MARCHF4: variants seen among roughly 807,000 people sequenced by gnomAD.
MARCHF4 encodes E3 ubiquitin-protein ligase MARCHF4.
A neutral mutation model predicts 43.9 loss-of-function variants in MARCHF4; 14 were observed. The ratio of observed to expected loss-of-function variants is 0.32; its 90% CI spans 0.21 to 0.50. MARCHF4 has a LOEUF of 0.50. Among genes scored for constraint, MARCHF4 ranks in the 20% least tolerant of loss-of-function variants. MARCHF4 has a pLI of 0.98. For missense variants in MARCHF4, 468 were observed against 536.7 expected (o/e 0.87, Z 1.27); for synonymous variants, 226 against 213.3 (o/e 1.06, Z -0.52).
intron 1 of MARCHF4, among the ~76,000 whole-genome samples, chr2:216,305,883 G>T (rs898799092): frequency 2.0e-5 from 3 of 152,188 alleles, no homozygotes; most frequent in Non-Finnish European, 4.4e-5. Context: ...GAGGCATAAG[G>T]ACGGCACACA....
intron 1 of MARCHF4, among the ~76,000 whole-genome samples, chr2:216,321,048 T>C (rs1413904975): frequency 6.6e-6 from 1 of 151,902 alleles, no homozygotes; most frequent in African/African-American, 2.4e-5. Context: ...ATAATGATGT[T>C]GGAATGCCAG....
chr2:216,338,493 C>A (rs1283640658), intron 1 of MARCHF4, among the ~76,000 whole-genome samples: 1 of 152,170 alleles, frequency 6.6e-6, no homozygotes, highest in African/African-American at 2.4e-5. Context: ...ACCTTGACAG[C>A]CCTTCCTCAG....
At chr2:216,301,762 T>C (rs540702608) in intron 1 of MARCHF4, among the ~76,000 whole-genome samples, 27 of 152,246 alleles carry the variant, frequency 1.8e-4, no homozygotes, top group Non-Finnish European at 3.8e-4. Context: ...ATGATGCATG[T>C]GGTTTTTGGA....
rs116467622 is a variant in MARCHF4, at chr2:216,266,758, C to T, written c.866-7079G>A. On this transcript the variant is annotated intron_variant, in intron 3 of 3. Coordinates refer to ENST00000273067, the MANE Select transcript of MARCHF4 (RefSeq NM_020814.3). ...CTGGACCAAAGCACATATCAGGGAA[C>T]GGTTGAAAGAAATGAATATAACCGG... 4.1e-3 allele frequency among the ~76,000 whole-genome samples: 629 copies of T among 152,236 alleles called. 1 individual carries two copies. The highest frequency in any genetic ancestry group is 7.4e-3 in the Non-Finnish European group (505 of 68,018).
Position 216,371,906 on chromosome 2 carries a change from C to A in MARCHF4, c.-1646G>T, listed in dbSNP as rs1252764383. 2.0e-5 allele frequency: 3 copies of A among 151,806 alleles called. No individual in the cohort carries two copies. Among genetic ancestry groups the A allele is most frequent in the Non-Finnish European group, 4.4e-5 (3 of 67,912 alleles). 9.4% of individuals were successfully genotyped at this position (151,806 alleles called of 1,614,324 possible). The stretch of plus-strand genomic sequence containing the variant: ...CCACCCCGCCCCTTCCTCCTCTCCA[C>A]CGCCTCTGGCTGGCTAGGCTCGCTG... On this transcript the variant is annotated 5_prime_UTR_variant, in exon 1 of 4. Coordinates refer to ENST00000273067, the MANE Select transcript of MARCHF4 (RefSeq NM_020814.3).
intron 3 of MARCHF4, among the ~76,000 whole-genome samples, chr2:216,276,286 C>T (rs114097562): frequency 8.9e-4 from 136 of 152,292 alleles, no homozygotes; most frequent in African/African-American, 3.1e-3. Context: ...CTTTTGGCAT[C>T]AATAATCCAG....
chr2:216,281,848 A>G (rs1315030548), intron 2 of MARCHF4, among the ~76,000 whole-genome samples: 2 of 152,188 alleles, frequency 1.3e-5, no homozygotes, highest in Non-Finnish European at 2.9e-5. Context: ...TTATAGATCC[A>G]TATTGCTAAC....
chr2:216,287,946 A>G (rs1203681741), intron 1 of MARCHF4, among the ~76,000 whole-genome samples: 1 of 151,802 alleles, frequency 6.6e-6, no homozygotes, highest in African/African-American at 2.4e-5. Flanking sequence ...TTACCTCCTC[A>G]AGGGTAATTG....
At chr2:216,320,631 C>CTTTG (rs1559098550) in intron 1 of MARCHF4, among the ~76,000 whole-genome samples, 1 of 98,540 alleles carries the variant, frequency 1.0e-5, no homozygotes, top group African/African-American at 4.3e-5. Context: ...TTCTTTCTTT[C>CTTTG]TTTCTTTCTT....
intron 1 of MARCHF4, among the ~76,000 whole-genome samples, chr2:216,348,032 C>CTTTT (rs773695717): frequency 1.6e-4 from 16 of 99,644 alleles, no homozygotes; most frequent in South Asian, 7.2e-4. Flanking sequence ...TTAAGGCATT[C>CTTTT]TTTTTTTTTT....
At chr2:216,348,782 C>T (rs1056947107) in intron 1 of MARCHF4, among the ~76,000 whole-genome samples, 2 of 152,068 alleles carry the variant, frequency 1.3e-5, no homozygotes, top group African/African-American at 4.8e-5. Flanking sequence ...TGGATCAGGA[C>T]CCTTTGCCTG....
At chr2:216,320,966 C>G (rs1388206191) in intron 1 of MARCHF4, among the ~76,000 whole-genome samples, 1 of 151,284 alleles carries the variant, frequency 6.6e-6, no homozygotes, top group East Asian at 1.9e-4. Context: ...AGCAGAGCCA[C>G]CGCACCCAGA....
rs141829911 is a variant in MARCHF4, at chr2:216,351,038, T to C, written c.516+18707A>G. 3.9e-5 allele frequency among the ~76,000 whole-genome samples: 6 copies of C among 152,208 alleles called. No individual in the cohort carries two copies. The East Asian group carries it at 7.7e-4, about 20-fold the overall frequency. On this transcript the variant is annotated intron_variant, in intron 1 of 3. Coordinates refer to ENST00000273067, the MANE Select transcript of MARCHF4 (RefSeq NM_020814.3). ...ACCCTCCAAGTCTGCCTCTAATCCA[T>C]AGGAGGGGAAAGGGATAATAATCTC...
intron 1 of MARCHF4, among the ~76,000 whole-genome samples, chr2:216,298,457 G>C (rs533636193): frequency 6.6e-6 from 1 of 151,752 alleles, no homozygotes; most frequent in South Asian, 2.1e-4. Context: ...GTAGAAATGG[G>C]GTTTCACCAT....
intron 1 of MARCHF4, among the ~76,000 whole-genome samples, chr2:216,359,385 A>G (rs1223306060): frequency 6.6e-6 from 1 of 152,134 alleles, no homozygotes; most frequent in African/African-American, 2.4e-5. Flanking sequence ...GTTTCCCCCT[A>G]TTAGCCACTT....
Position 216,370,477 on chromosome 2 carries a change from A to C in MARCHF4, c.-217T>G. On this transcript the variant is annotated 5_prime_UTR_variant, in exon 1 of 4. Transcript: ENST00000273067. ...AACTCCACCTGGAAAGCCCAATAACAAAAAAGTTTTTCTTGCCCTCACACA... is the reference window on the plus strand; with the variant it reads ...AACTCCACCTGGAAAGCCCAATAACCAAAAAGTTTTTCTTGCCCTCACACA... 2.2e-6 allele frequency: 1 copy of C among 458,462 alleles called. No homozygotes were observed. Among genetic ancestry groups the C allele is most frequent in the Non-Finnish European group, 3.8e-6 (1 of 261,518 alleles). The allele number at this position is 458,462 out of a possible 1,614,324, so 28.4% of individuals were successfully genotyped here.
intron 1 of MARCHF4, among the ~76,000 whole-genome samples, chr2:216,313,921 T>C (rs1401154609): frequency 6.6e-6 from 1 of 152,046 alleles, no homozygotes; most frequent in Non-Finnish European, 1.5e-5. Flanking sequence ...AAGGCAATAA[T>C]GGAGAAAGGG....
chr2:216,295,850 A>C (rs1178414820), intron 1 of MARCHF4, among the ~76,000 whole-genome samples: 1 of 152,234 alleles, frequency 6.6e-6, no homozygotes, highest in Non-Finnish European at 1.5e-5. Context: ...AGGAAAGAAC[A>C]AAACAGATAC....
At chr2:216,353,392 G>T (rs1350204803) in intron 1 of MARCHF4, among the ~76,000 whole-genome samples, 1 of 152,162 alleles carries the variant, frequency 6.6e-6, no homozygotes, top group Non-Finnish European at 1.5e-5. Flanking sequence ...TAGCTCTGAG[G>T]CAGGAAAGGG....
Sources: allele counts gnomAD v4.1 joint callset (sites outside exome capture counted in the v4.1 genomes callset), GRCh38; gene constraint gnomAD v4.1.1; transcripts MANE v1.5; gene names NCBI Gene and HGNC (gene_info 2026-07-23, HGNC 2026-07-21).